Variants in SEMA6D observed in about 807,000 individuals in gnomAD.
SEMA6D encodes the protein semaphorin 6D.
In SEMA6D, 35 loss-of-function variants were observed where a neutral mutation model predicts 106.6. That is an observed-to-expected ratio of 0.33 (90% CI 0.25 to 0.44). SEMA6D has a LOEUF of 0.44. Ranked by LOEUF, SEMA6D falls within the 20% of genes least tolerant of loss-of-function variation. The pLI, the probability that SEMA6D is intolerant of heterozygous loss-of-function variation, is 1.00. For synonymous variants in SEMA6D, 499 were observed against 487.7 expected, an observed-to-expected ratio of 1.02 and a Z score of -0.31; for missense variants, 1,185 against 1,345.9, an observed-to-expected ratio of 0.88 and a Z score of 1.87.
intron 3 of SEMA6D, among the ~76,000 whole-genome samples, chr15:47,495,469 C>T (rs149399324): frequency 6.6e-6 from 1 of 151,892 alleles, no homozygotes; most frequent in East Asian, 1.9e-4. Flanking sequence ...AATTTCCTTC[C>T]TTTCCCCTAA....
intron 1 of SEMA6D, among the ~76,000 whole-genome samples, chr15:47,190,973 C>T (rs927352223): frequency 6.6e-6 from 1 of 152,180 alleles, no homozygotes; most frequent in African/African-American, 2.4e-5. Context: ...AGTTCCAAAC[C>T]AGCTGTGGCA....
intron 3 of SEMA6D, among the ~76,000 whole-genome samples, chr15:47,552,868 T>TATATATA: frequency 1.7e-5 from 1 of 57,202 alleles, no homozygotes; most frequent in African/African-American, 1.2e-4. Flanking sequence ...ATATATATTT[T>TATATATA]TATATATATA....
At chr15:47,216,896 C>T (rs1432658093) in intron 1 of SEMA6D, among the ~76,000 whole-genome samples, 1 of 152,116 alleles carries the variant, frequency 6.6e-6, no homozygotes, top group Non-Finnish European at 1.5e-5. Flanking sequence ...AAAGAAGCTG[C>T]AATGATCTGA....
chr15:47,517,984 A>G (rs1467821185), intron 3 of SEMA6D, among the ~76,000 whole-genome samples: 1 of 152,136 alleles, frequency 6.6e-6, no homozygotes, highest in Non-Finnish European at 1.5e-5. Flanking sequence ...AACTTATTTC[A>G]AAAGGCAGAT....
intron 4 of SEMA6D, among the ~76,000 whole-genome samples, chr15:47,625,872 A>T (rs917072371): frequency 6.6e-6 from 1 of 152,082 alleles, no homozygotes; most frequent in Non-Finnish European, 1.5e-5. Context: ...TGACTTCACT[A>T]TTTTCTTCCT....
intron 4 of SEMA6D, among the ~76,000 whole-genome samples, chr15:47,602,338 C>T (rs148400899): frequency 7.1e-4 from 108 of 152,166 alleles, no homozygotes; most frequent in African/African-American, 2.4e-3. Flanking sequence ...CAATTGTCAC[C>T]GTCAATCCAA....
chr15:47,635,957 TAA>T (rs5812405), intron 4 of SEMA6D, among the ~76,000 whole-genome samples: 1,003 of 140,624 alleles, frequency 7.1e-3, no homozygotes, highest in Middle Eastern at 0.029. Context: ...ACTTAAATGC[TAA>T]AAAAAAAAAA....
chr15:47,771,474 A>C lies in SEMA6D; in HGVS notation c.2911A>C (p.Arg971=). 1 of 1,614,130 alleles carries C rather than the reference A, an allele frequency of 6.2e-7. No homozygotes were observed. ...QRGYHKNSSQ[R]HSISAMPKNL... ...AGGTTATCACAAAAATTCCTCCCAG[A>C]GGCACTCTATATCTGCTATGCCTAA... The change falls in exon 19 of 19, where the codon AGG becomes CGG. Residue 971 remains arginine, a synonymous_variant. Coordinates refer to ENST00000536845, the MANE Select transcript of SEMA6D (RefSeq NM_001358351.3).
intron 1 of SEMA6D, among the ~76,000 whole-genome samples, chr15:47,383,224 T>C (rs994996603): frequency 6.6e-6 from 1 of 152,226 alleles, no homozygotes; most frequent in Non-Finnish European, 1.5e-5. Flanking sequence ...TTCCCTATGG[T>C]CGAGGAGGTA....
chr15:47,306,538 A>G (rs2036240584), intron 1 of SEMA6D, among the ~76,000 whole-genome samples: 1 of 152,116 alleles, frequency 6.6e-6, no homozygotes, highest in African/African-American at 2.4e-5. Context: ...CCTGGCCAAC[A>G]TGGCAAAACC....
intron 1 of SEMA6D, among the ~76,000 whole-genome samples, chr15:47,394,047 C>G (rs779226592): frequency 7.9e-5 from 12 of 152,154 alleles, no homozygotes; most frequent in Admixed American, 3.9e-4. Context: ...CTTATACCTA[C>G]TCTCTTAATC....
At chr15:47,546,031 GAC>G (rs2045511328) in intron 3 of SEMA6D, among the ~76,000 whole-genome samples, 1 of 152,118 alleles carries the variant, frequency 6.6e-6, no homozygotes, top group Non-Finnish European at 1.5e-5. Flanking sequence ...TACTCACAGG[GAC>G]ACACACTCGC....
intron 3 of SEMA6D, among the ~76,000 whole-genome samples, chr15:47,510,727 G>A (rs2141772324): frequency 6.6e-6 from 1 of 152,272 alleles, no homozygotes; most frequent in Non-Finnish European, 1.5e-5. Flanking sequence ...TGAGCTTCCT[G>A]GGGCTCCTTG....
intron 3 of SEMA6D, among the ~76,000 whole-genome samples, chr15:47,592,466 G>T (rs559488915): frequency 1.3e-5 from 2 of 152,160 alleles, no homozygotes; most frequent in African/African-American, 4.8e-5. Context: ...TGATTGGCTG[G>T]GTGTGGGTGA....
chr15:47,748,624 G>A (rs1312028042), intron 1 of SEMA6D, among the ~76,000 whole-genome samples: 3 of 152,242 alleles, frequency 2.0e-5, no homozygotes, highest in Non-Finnish European at 2.9e-5. Flanking sequence ...CAGTTTTCAG[G>A]AAGGACGTTT....
chr15:47,751,130 CCTT>C (rs113729733), intron 1 of SEMA6D, among the ~76,000 whole-genome samples: 2,942 of 152,178 alleles, frequency 0.019, 96 homozygotes, highest in African/African-American at 0.067. Context: ...GTGGAGATGA[CCTT>C]CTTATATTCC....
chr15:47,771,141 C>G lies in SEMA6D; in HGVS notation c.2578C>G (p.Leu860Val), dbSNP rs956535555. 1 of 1,614,132 alleles carries G rather than the reference C, an allele frequency of 6.2e-7. No individual in the cohort carries two copies. Among genetic ancestry groups the G allele is most frequent in the Non-Finnish European group, 8.5e-7 (1 of 1,180,010 alleles). The stretch of plus-strand genomic sequence containing the variant: ...GAAGCTTCAAAACATTGATCACCCT[C>G]TCACAAAGTCATCCAGTAAGAGAGA... ...EKKLQNIDHPLTKSSSKRDHR... is the reference protein window; with the variant it reads ...EKKLQNIDHPVTKSSSKRDHR... The change falls in exon 19 of 19, where the codon CTC (leucine) becomes GTC (valine). Residue 860 changes from leucine to valine, a missense_variant. Coordinates refer to ENST00000536845, the MANE Select transcript of SEMA6D (RefSeq NM_001358351.3).
intron 3 of SEMA6D, among the ~76,000 whole-genome samples, chr15:47,535,661 GAA>G (rs1255498684): frequency 6.6e-6 from 1 of 151,306 alleles, no homozygotes; most frequent in Admixed American, 6.6e-5. Context: ...ATACTAGATA[GAA>G]AGTGACAAAA....
intron 4 of SEMA6D, among the ~76,000 whole-genome samples, chr15:47,679,070 C>G (rs1186022401): frequency 6.6e-6 from 1 of 152,158 alleles, no homozygotes; most frequent in Non-Finnish European, 1.5e-5. Flanking sequence ...TAAAATATGT[C>G]CGATGTTATA....
Sources: gnomAD v4.1 joint callset for allele counts (sites outside exome capture counted in the v4.1 genomes callset) on GRCh38, gnomAD v4.1.1 for gene constraint, MANE v1.5 for transcripts, NCBI Gene and HGNC (gene_info 2026-07-23, HGNC 2026-07-21) for gene names.